LRIG1: variants seen among roughly 807,000 people sequenced by gnomAD.
LRIG1 encodes the protein leucine rich repeats and immunoglobulin like domains 1.
LRIG1 carries 48 observed loss-of-function variants against 99.2 expected under a neutral mutation model. That is an observed-to-expected ratio of 0.48 (90% CI 0.38 to 0.62). The LOEUF (loss-of-function observed/expected upper bound fraction) is 0.62, where lower values mean the gene tolerates loss of function less well. LRIG1 is among the 20% of genes least tolerant of loss of function. The pLI is 0.00. For synonymous variants in LRIG1, 772 were observed against 596.1 expected, an observed-to-expected ratio of 1.29 and a Z score of -4.30; for missense variants, 1,646 against 1,434.4, an observed-to-expected ratio of 1.15 and a Z score of -2.38.
intron 3 of LRIG1, among the ~76,000 whole-genome samples, chr3:66,432,783 C>A (rs1370747956): frequency 6.6e-6 from 1 of 152,176 alleles, no homozygotes; most frequent in Non-Finnish European, 1.5e-5. Flanking sequence ...ATACCTCCCA[C>A]CTCTTCTCGG....
chr3:66,441,464 T>TGA (rs1182454339), intron 3 of LRIG1, among the ~76,000 whole-genome samples: 6 of 151,832 alleles, frequency 4.0e-5, no homozygotes, highest in Non-Finnish European at 7.4e-5. Context: ...TGAATTGACA[T>TGA]GAGAGAGAGA....
intron 1 of LRIG1, among the ~76,000 whole-genome samples, chr3:66,493,891 G>C (rs1701163564): frequency 7.8e-6 from 1 of 128,640 alleles, no homozygotes; most frequent in Non-Finnish European, 1.6e-5. Context: ...GGGAGGGAGG[G>C]AAAGAAGGAA....
intron 3 of LRIG1, among the ~76,000 whole-genome samples, chr3:66,446,468 C>T (rs1389944199): frequency 2.8e-5 from 4 of 141,068 alleles, no homozygotes; most frequent in Non-Finnish European, 4.5e-5. Context: ...TGCAATGGTG[C>T]GATCTTAGCT....
At chr3:66,415,667 A>C (rs1337272824) in intron 4 of LRIG1, among the ~76,000 whole-genome samples, 1 of 152,230 alleles carries the variant, frequency 6.6e-6, no homozygotes, top group Non-Finnish European at 1.5e-5. Context: ...CTACACTTAC[A>C]GCGTGATTAA....
At chr3:66,451,307 A>AT (rs1314099147) in intron 3 of LRIG1, among the ~76,000 whole-genome samples, 1 of 144,478 alleles carries the variant, frequency 6.9e-6, no homozygotes, top group Non-Finnish European at 1.5e-5. Flanking sequence ...ACCTCTGCGC[A>AT]TTAAAAAAAA....
At chr3:66,479,458 T>A (rs535516752) in intron 1 of LRIG1, among the ~76,000 whole-genome samples, 1 of 152,178 alleles carries the variant, frequency 6.6e-6, no homozygotes, top group Non-Finnish European at 1.5e-5. Context: ...CACTTCTACC[T>A]GTAGATCTTC....
intron 7 of LRIG1, among the ~76,000 whole-genome samples, 175 bp from the exon 8 acceptor site, chr3:66,407,666 G>A (rs1315833105): frequency 6.6e-6 from 1 of 152,210 alleles, no homozygotes; most frequent in African/African-American, 2.4e-5. Flanking sequence ...GGTAAAAGTG[G>A]CCATGCAGCT....
chr3:66,451,605 C>G lies in LRIG1; in HGVS notation c.319G>C (p.Val107Leu). The G allele has an allele frequency of 3.1e-6, 5 of 1,613,920 alleles. No homozygotes were observed. The highest frequency in any genetic ancestry group is 4.2e-6 in the Non-Finnish European group (5 of 1,179,900). Residue 107 changes from valine (V) to leucine (L), a missense_variant, in exon 3 of 19, where the codon GTA (valine) becomes CTA (leucine). Val to Leu is a conservative substitution (Grantham distance 32). Coordinates refer to ENST00000273261, the MANE Select transcript of LRIG1 (RefSeq NM_015541.3). ...VYLNNNELTAVPSLGAASSHV... is the reference protein window; with the variant it reads ...VYLNNNELTALPSLGAASSHV... ...GATGAAGCAGCGCCCAGGGATGGTACCGCTGTCAACTCATTATTATTGAGG... is the reference window on the plus strand; with the variant it reads ...GATGAAGCAGCGCCCAGGGATGGTAGCGCTGTCAACTCATTATTATTGAGG...
chr3:66,410,052 A>G, intron 7 of LRIG1, 77 bp downstream of exon 7: 1 of 1,472,562 alleles, frequency 6.8e-7, no homozygotes. Context: ...TGTGTGGTGG[A>G]ACGAACCAGG....
chr3:66,496,704 A>G (rs370606023), intron 1 of LRIG1, among the ~76,000 whole-genome samples: 10 of 152,316 alleles, frequency 6.6e-5, no homozygotes, highest in African/African-American at 2.4e-4. Flanking sequence ...GGAGAAGGAA[A>G]TATTTCAGGA....
chr3:66,381,463 G>A lies in LRIG1; in HGVS notation c.2770+16C>T, dbSNP rs745490265. 3.1e-6 allele frequency: 5 copies of A among 1,602,208 alleles called. No homozygotes were observed. The highest frequency in any genetic ancestry group is 4.3e-6 in the Non-Finnish European group (5 of 1,170,950). On this transcript the variant is annotated intron_variant, in intron 17 of 18. Transcript: ENST00000273261. ...ATTTCAGAAAGAAACTACTTCCAAT[G>A]GGAAGCATCTCATACCCATCTTATG...
chr3:66,430,045 C>A (rs943868741), intron 3 of LRIG1, among the ~76,000 whole-genome samples: 1 of 152,166 alleles, frequency 6.6e-6, no homozygotes, highest in East Asian at 1.9e-4. Context: ...CAGAATAACG[C>A]TTAGAACTTA....
intron 7 of LRIG1, among the ~76,000 whole-genome samples, chr3:66,408,594 G>A (rs546034550): frequency 2.0e-5 from 3 of 152,298 alleles, no homozygotes; most frequent in South Asian, 2.1e-4. Flanking sequence ...CGATACACTG[G>A]TGAGTCAGAG....
chr3:66,461,300 G>A (rs1335462874), intron 2 of LRIG1, among the ~76,000 whole-genome samples: 1 of 152,018 alleles, frequency 6.6e-6, no homozygotes, highest in African/African-American at 2.4e-5. Flanking sequence ...GCGAGACCCT[G>A]TCTTAAACAA....
In LRIG1 at chr3:66,415,029, A is replaced by C. The variant is rs200475648; in HGVS notation, c.538T>G (p.Leu180Val). Reference sequence around the variant, plus strand: ...CGTGACAGACCATCAAATGCTCCCAACTCCAGGGTGCCAATCCGATTGCCT... The same window carrying C: ...CGTGACAGACCATCAAATGCTCCCACCTCCAGGGTGCCAATCCGATTGCCT... ...LAGNRIGTLE[L>V]GAFDGLSRSL... The change falls in exon 5 of 19, where the codon TTG becomes GTG. Residue 180 changes from leucine to valine, a missense_variant. Coordinates refer to ENST00000273261, the MANE Select transcript of LRIG1 (RefSeq NM_015541.3). 3.7e-5 allele frequency: 59 copies of C among 1,608,874 alleles called. No homozygotes were observed. The Admixed American group carries it at 9.7e-4, about 26-fold the overall frequency.
chr3:66,404,085 C>A (rs1702170942), intron 9 of LRIG1: 1 of 394,804 alleles, frequency 2.5e-6, no homozygotes, highest in African/African-American at 2.1e-5. Flanking sequence ...CTCCGACATG[C>A]TGCTGGAGTA....
At chr3:66,444,181 G>C (rs1044689797) in intron 3 of LRIG1, among the ~76,000 whole-genome samples, 1 of 152,202 alleles carries the variant, frequency 6.6e-6, no homozygotes, top group Non-Finnish European at 1.5e-5. Flanking sequence ...AGAGTAACAG[G>C]GCTCCTGCCA....
chr3:66,459,495 T>C (rs1559809918), intron 2 of LRIG1, among the ~76,000 whole-genome samples: 1 of 152,210 alleles, frequency 6.6e-6, no homozygotes, highest in African/African-American at 2.4e-5. Flanking sequence ...CTTGCAGTGC[T>C]CCCTGTCCTC....
At chr3:66,421,788 C>T (rs1315033917) in intron 3 of LRIG1, among the ~76,000 whole-genome samples, 1 of 152,180 alleles carries the variant, frequency 6.6e-6, no homozygotes, top group African/African-American at 2.4e-5. Flanking sequence ...CACCATATTT[C>T]CCTTCCACAC....
Sources: allele counts gnomAD v4.1 joint callset (sites outside exome capture counted in the v4.1 genomes callset), GRCh38; gene constraint gnomAD v4.1.1; transcripts MANE v1.5; gene names NCBI Gene and HGNC (gene_info 2026-07-23, HGNC 2026-07-21).